GAB2: variants seen among roughly 807,000 people sequenced by gnomAD.
The protein encoded by GAB2 is GRB2-associated-binding protein 2.
GAB2 carries 26 observed loss-of-function variants against 65.5 expected under a neutral mutation model. That is an observed-to-expected ratio of 0.40 (90% CI 0.29 to 0.55). GAB2 has a LOEUF of 0.55. Among genes scored for constraint, GAB2 ranks in the 20% least tolerant of loss-of-function variants. The pLI, the probability that GAB2 is intolerant of heterozygous loss-of-function variation, is 0.53. For missense variants in GAB2, 884 were observed against 875.8 expected, an observed-to-expected ratio of 1.01 and a Z score of -0.12; for synonymous variants, 321 against 329.6, an observed-to-expected ratio of 0.97 and a Z score of 0.28.
intron 1 of GAB2, among the ~76,000 whole-genome samples, chr11:78,375,813 T>C (rs1210026355): frequency 1.3e-5 from 2 of 152,218 alleles, no homozygotes; most frequent in African/African-American, 4.8e-5. Context: ...CACGTTGTCC[T>C]AGCTCCTCAC....
chr11:78,320,834 G>A (rs999599502), intron 1 of GAB2, among the ~76,000 whole-genome samples: 1 of 150,760 alleles, frequency 6.6e-6, no homozygotes, highest in Non-Finnish European at 1.5e-5. Flanking sequence ...GCCTCCCAAA[G>A]TGCTGGGGTT....
At chr11:78,360,275 G>C (rs1856416646) in intron 1 of GAB2, among the ~76,000 whole-genome samples, 1 of 151,898 alleles carries the variant, frequency 6.6e-6, no homozygotes, top group African/African-American at 2.4e-5. Context: ...GCAACTACAA[G>C]AAACTACTAA....
At position 78,240,104 on chromosome 11, in the gene GAB2, G is replaced by T. The variant is rs112560094; in HGVS notation, c.620+10053C>A. On this transcript the variant is annotated intron_variant, in intron 3 of 9. Coordinates refer to ENST00000361507, the MANE Select transcript of GAB2 (RefSeq NM_080491.3). Reference sequence around the variant, plus strand: ...GCTGAAGCAGTATGCTCTCTTCAAGGAAAACAGTATCTTGGCTGCTCAGAA... The same window carrying T: ...GCTGAAGCAGTATGCTCTCTTCAAGTAAAACAGTATCTTGGCTGCTCAGAA... Among the ~76,000 whole-genome samples the T allele has an allele frequency of 3.1e-3, 469 of 152,124 alleles. 2 individuals carry two copies. The highest frequency in any genetic ancestry group is 0.011 in the African/African-American group (436 of 41,478).
At chr11:78,367,104 G>C (rs1484477642) in intron 1 of GAB2, among the ~76,000 whole-genome samples, 1 of 152,058 alleles carries the variant, frequency 6.6e-6, no homozygotes, top group Non-Finnish European at 1.5e-5. Flanking sequence ...AGGGGTAAAG[G>C]GGAACATAGC....
rs1451463836 is a variant in GAB2 at position 78,215,484 on chromosome 11, CTT to C, written c.*3786_*3787del. 3 of 152,626 alleles carry C rather than the reference CTT, an allele frequency of 2.0e-5. No individual in the cohort carries two copies. The highest frequency in any genetic ancestry group is 7.2e-5 in the African/African-American group (3 of 41,452). 9.5% of individuals were successfully genotyped at this position (152,626 alleles called of 1,614,324 possible). On this transcript the variant is annotated 3_prime_UTR_variant, in exon 10 of 10. Coordinates refer to ENST00000361507, the MANE Select transcript of GAB2 (RefSeq NM_080491.3). ...AGAATACAACAGAATAAATTAATAA[CTT>C]AAGTGATTAGGCACCAACAGTGATT...
chr11:78,250,843 T>G (rs1167456126), intron 2 of GAB2, among the ~76,000 whole-genome samples: 1 of 152,180 alleles, frequency 6.6e-6, no homozygotes, highest in Admixed American at 6.5e-5. Context: ...AGTGAATTAA[T>G]GCAGAAACAG....
At chr11:78,263,176 G>A (rs781735577) in intron 2 of GAB2, among the ~76,000 whole-genome samples, 3 of 152,200 alleles carry the variant, frequency 2.0e-5, no homozygotes, top group Admixed American at 6.5e-5. Context: ...TGAAACCATC[G>A]AATCCCAAAT....
chr11:78,246,238 G>A (rs1368216487), intron 3 of GAB2, among the ~76,000 whole-genome samples: 13 of 151,912 alleles, frequency 8.6e-5, no homozygotes, highest in Admixed American at 7.9e-4. Context: ...GGTGGCAGAG[G>A]GTTTTTTCTT....
rs11237473 is a variant in GAB2 at position 78,379,778 on chromosome 11, G to A, written c.75+37868C>T. On this transcript the variant is annotated intron_variant, in intron 1 of 9. Transcript: ENST00000361507. The stretch of plus-strand genomic sequence containing the variant: ...TACAACCCTGAACAAATAAATCAAG[G>A]GCCATTTTAAGGAGAAACATGAATT... Among the ~76,000 whole-genome samples the A allele has an allele frequency of 4.1e-3, 624 of 152,214 alleles. 1 individual carries two copies. Among genetic ancestry groups the A allele is most frequent in the Non-Finnish European group, 6.6e-3 (446 of 68,020 alleles).
intron 3 of GAB2, among the ~76,000 whole-genome samples, chr11:78,246,816 T>A (rs921932126): frequency 2.0e-5 from 3 of 152,300 alleles, no homozygotes; most frequent in African/African-American, 7.2e-5. Flanking sequence ...GATATTTTTA[T>A]AGGAAATCAA....
Position 78,226,508 on chromosome 11 carries a change from T to C in GAB2, c.1164A>G (p.Arg388=). The C allele has an allele frequency of 6.2e-7, 1 of 1,611,198 alleles. No homozygotes were observed. Among genetic ancestry groups the C allele is most frequent in the African/African-American group, 1.3e-5 (1 of 74,598 alleles). ...NSRSVAATIP[R]RNTLPAMDNS... Reference sequence around the variant, plus strand: ...TGTCCATTGCAGGGAGGGTGTTGCGTCTGGGGATGGTGGCAGCGACAGATC... The same window carrying C: ...TGTCCATTGCAGGGAGGGTGTTGCGCCTGGGGATGGTGGCAGCGACAGATC... Residue 388 remains arginine (R), a synonymous_variant, in exon 4 of 10, where the codon AGA becomes AGG. Coordinates refer to ENST00000361507, the MANE Select transcript of GAB2 (RefSeq NM_080491.3).
chr11:78,366,323 T>TA (rs1051185840), intron 1 of GAB2, among the ~76,000 whole-genome samples: 1 of 152,150 alleles, frequency 6.6e-6, no homozygotes, highest in African/African-American at 2.4e-5. Flanking sequence ...CTCACGCCTG[T>TA]AATCCCAGCA....
At chr11:78,355,684 A>AG (rs1856348244) in intron 1 of GAB2, among the ~76,000 whole-genome samples, 1 of 150,394 alleles carries the variant, frequency 6.6e-6, no homozygotes, top group Admixed American at 6.6e-5. Flanking sequence ...CTCACTTAAA[A>AG]AAAAAAAAAA....
chr11:78,344,357 A>T (rs1856147687), intron 1 of GAB2, among the ~76,000 whole-genome samples: 1 of 152,228 alleles, frequency 6.6e-6, no homozygotes, highest in African/African-American at 2.4e-5. Context: ...CAGGAAAAAA[A>T]TCTCCAATTA....
intron 1 of GAB2, among the ~76,000 whole-genome samples, chr11:78,291,737 A>AT (rs112307198): frequency 0.25 from 35,953 of 144,530 alleles, 4,985 homozygotes; most frequent in East Asian, 0.4. Context: ...TACCCAGTTA[A>AT]TTTTTTTTTT....
At chr11:78,371,803 C>T (rs1369543101) in intron 1 of GAB2, among the ~76,000 whole-genome samples, 1 of 152,080 alleles carries the variant, frequency 6.6e-6, no homozygotes, top group Non-Finnish European at 1.5e-5. Flanking sequence ...AGTCTGACAG[C>T]TGTACCGGCC....
intron 1 of GAB2, among the ~76,000 whole-genome samples, chr11:78,357,790 A>C (rs1856378694): frequency 6.6e-6 from 1 of 152,212 alleles, no homozygotes. Flanking sequence ...AAAAGTCAGG[A>C]AACAACAGGT....
At chr11:78,296,572 T>C (rs1451639765) in intron 1 of GAB2, among the ~76,000 whole-genome samples, 7 of 151,912 alleles carry the variant, frequency 4.6e-5, no homozygotes, top group Admixed American at 4.6e-4. Context: ...AGCACAAAAA[T>C]GCAAAAAACA....
At chr11:78,243,552 G>A (rs1386907307) in intron 3 of GAB2, among the ~76,000 whole-genome samples, 1 of 151,622 alleles carries the variant, frequency 6.6e-6, no homozygotes, top group Non-Finnish European at 1.5e-5. Context: ...CATTAAAGAT[G>A]ATTATGGACC....
Sources: allele counts gnomAD v4.1 joint callset (sites outside exome capture counted in the v4.1 genomes callset), GRCh38; gene constraint gnomAD v4.1.1; transcripts MANE v1.5; gene names NCBI Gene and HGNC (gene_info 2026-07-23, HGNC 2026-07-21).